PPP1R17: variants seen among roughly 807,000 people sequenced by gnomAD.
The protein encoded by PPP1R17 is protein phosphatase 1 regulatory subunit 17.
In PPP1R17, 12 loss-of-function variants were observed where a neutral mutation model predicts 15.9. That is an observed-to-expected ratio of 0.75 (90% CI 0.48 to 1.22). PPP1R17 has a LOEUF of 1.22. Ranked by LOEUF, PPP1R17 falls within the 50% of genes most tolerant of loss-of-function variation. The pLI, the probability that PPP1R17 is intolerant of heterozygous loss-of-function variation, is 0.00. For missense variants in PPP1R17, 211 were observed against 187.3 expected, an observed-to-expected ratio of 1.13 and a Z score of -0.74; for synonymous variants, 63 against 64.5, an observed-to-expected ratio of 0.98 and a Z score of 0.11.
At chr7:31,687,669 C>T (rs898683105) in intron 1 of PPP1R17, among the ~76,000 whole-genome samples, 1 of 152,214 alleles carries the variant, frequency 6.6e-6, no homozygotes, top group Non-Finnish European at 1.5e-5. Context: ...TCAGTCTCTC[C>T]TCCAGGAATA....
At chr7:31,697,623 A>G (rs1286038859) in intron 4 of PPP1R17, among the ~76,000 whole-genome samples, 7 of 151,916 alleles carry the variant, frequency 4.6e-5, no homozygotes, top group Admixed American at 6.5e-5. Context: ...CTGCTCTGTG[A>G]GATACAGTCC....
At position 31,697,076 on chromosome 7, in the gene PPP1R17, G is replaced by T. The variant is rs1296871588; in HGVS notation, c.347G>T (p.Arg116Ile). The change falls in exon 4 of 5, where the codon AGA becomes ATA. Residue 116 changes from arginine to isoleucine, a missense_variant. Arg to Ile is a moderately conservative substitution (Grantham distance 97, BLOSUM62 -3). Coordinates refer to ENST00000342032, the MANE Select transcript of PPP1R17 (RefSeq NM_006658.5). ...GACCTGGAACAGAAAAAGCCAAGGAGAAAAGACACACCTGCCCTGCACATG... is the reference window on the plus strand; with the variant it reads ...GACCTGGAACAGAAAAAGCCAAGGATAAAAGACACACCTGCCCTGCACATG... ...NTDLEQKKPRRKDTPALHMSP... is the reference protein window; with the variant it reads ...NTDLEQKKPRIKDTPALHMSP... The T allele has an allele frequency of 3.7e-6, 6 of 1,614,024 alleles. No homozygotes were observed. Among genetic ancestry groups the T allele is most frequent in the Non-Finnish European group, 4.2e-6 (5 of 1,180,004 alleles).
rs747684912 is a variant in PPP1R17, at chr7:31,697,126, G to T, written c.388+9G>T. On this transcript the variant is annotated intron_variant, in intron 4 of 4. Transcript: ENST00000342032. The stretch of plus-strand genomic sequence containing the variant: ...GTCCCCCTTTGCAGCAGGTAAAAAA[G>T]CTGGTGCAGGGCATTTGCAGGGGGT... The T allele has an allele frequency of 6.2e-6, 10 of 1,613,354 alleles. No homozygotes were observed. The highest frequency in any genetic ancestry group is 8.5e-6 in the Non-Finnish European group (10 of 1,179,742).
At chr7:31,705,536 T>C (rs559200885) in intron 4 of PPP1R17, among the ~76,000 whole-genome samples, 9 of 152,278 alleles carry the variant, frequency 5.9e-5, no homozygotes, top group African/African-American at 2.2e-4. Context: ...AAATTGTTTT[T>C]CTCCTCCAAT....
chr7:31,694,058 A>G (rs1792467613), intron 2 of PPP1R17, among the ~76,000 whole-genome samples: 2 of 152,228 alleles, frequency 1.3e-5, no homozygotes, highest in African/African-American at 4.8e-5. Context: ...CATTCAACAA[A>G]TATTTATTAA....
intron 4 of PPP1R17, among the ~76,000 whole-genome samples, chr7:31,697,389 G>A (rs1164508836): frequency 6.6e-6 from 1 of 152,224 alleles, no homozygotes; most frequent in Non-Finnish European, 1.5e-5. Context: ...GAATAGAAAT[G>A]TCAGTGGGTC....
chr7:31,692,181 A>C (rs960346514), intron 1 of PPP1R17, among the ~76,000 whole-genome samples: 2 of 152,166 alleles, frequency 1.3e-5, no homozygotes, highest in African/African-American at 4.8e-5. Flanking sequence ...ATACATGACA[A>C]TTATGAATAA....
chr7:31,695,736 C>T, intron 3 of PPP1R17, 115 bp downstream of exon 3: 2 of 1,021,250 alleles, frequency 2.0e-6, no homozygotes, highest in South Asian at 1.7e-5. Flanking sequence ...TTTGTGCACT[C>T]CCCACCTCTG....
chr7:31,702,213 T>TA lies in PPP1R17; in HGVS notation c.389-4991_389-4990insA, dbSNP rs1335423318. Among the ~76,000 whole-genome samples, 9 of 152,018 alleles carry TA rather than the reference T, an allele frequency of 5.9e-5. No homozygotes were observed. In the South Asian group the frequency reaches 6.2e-4, roughly 11 times the overall value. ...CAGCTTTTCACCCTTATTTATTTTT[T>TA]TTTTTGCCTCTACCAATAGATTGTT... is the stretch of plus-strand genomic sequence containing the variant. On this transcript the variant is annotated intron_variant, in intron 4 of 4. Coordinates refer to ENST00000342032, the MANE Select transcript of PPP1R17 (RefSeq NM_006658.5).
chr7:31,693,463 C>T (rs1253856500), intron 2 of PPP1R17, among the ~76,000 whole-genome samples: 1 of 152,156 alleles, frequency 6.6e-6, no homozygotes, highest in African/African-American at 2.4e-5. Flanking sequence ...TCCCAAGAGG[C>T]TGGGTTTAAT....
chr7:31,705,405 C>T (rs943586222), intron 4 of PPP1R17, among the ~76,000 whole-genome samples: 1 of 152,186 alleles, frequency 6.6e-6, no homozygotes, highest in South Asian at 2.1e-4. Flanking sequence ...TGTTCTCCTG[C>T]CATGCTAGCC....
At chr7:31,696,649 A>G (rs1468925321) in intron 3 of PPP1R17, among the ~76,000 whole-genome samples, 1 of 152,180 alleles carries the variant, frequency 6.6e-6, no homozygotes, top group Non-Finnish European at 1.5e-5. Flanking sequence ...TGTGACACCT[A>G]TGAGCTGTAA....
rs1234716149 is a variant in PPP1R17, at chr7:31,707,273, T to C, written c.458T>C (p.Ile153Thr). 1.2e-6 allele frequency: 2 copies of C among 1,613,562 alleles called. No homozygotes were observed. The highest frequency in any genetic ancestry group is 1.3e-5 in the African/African-American group (1 of 74,898). ...GATGACGAAAAGGATGGTGACAAGA[T>C]AGCTATTTAAAGATAGTTCCCCTGA... ...VEDDEKDGDK[I>T]AI The change falls in exon 5 of 5, where the codon ATA (isoleucine) becomes ACA (threonine). Residue 153 changes from isoleucine (I) to threonine (T), a missense_variant. Physicochemically the swap from Ile to Thr is moderately conservative, Grantham distance 89. Transcript: ENST00000342032.
At chr7:31,705,576 G>T (rs1326460164) in intron 4 of PPP1R17, among the ~76,000 whole-genome samples, 1 of 152,210 alleles carries the variant, frequency 6.6e-6, no homozygotes, top group Non-Finnish European at 1.5e-5. Flanking sequence ...AAGAACCCAT[G>T]TGAACAAACT....
intron 2 of PPP1R17, among the ~76,000 whole-genome samples, 192 bp from the exon 3 acceptor site, chr7:31,695,277 C>T (rs1218935237): frequency 1.3e-5 from 2 of 152,024 alleles, no homozygotes; most frequent in Non-Finnish European, 2.9e-5. Flanking sequence ...TTCTAGTTTT[C>T]GATTTTGTTA....
At chr7:31,704,480 G>A (rs1053436674) in intron 4 of PPP1R17, among the ~76,000 whole-genome samples, 6 of 152,214 alleles carry the variant, frequency 3.9e-5, no homozygotes, top group African/African-American at 7.2e-5. Flanking sequence ...GAGAGAGGAC[G>A]AAGGGAAGGA....
At position 31,707,221 on chromosome 7, in the gene PPP1R17, G is replaced by A. The variant is rs1356302730; in HGVS notation, c.406G>A (p.Asp136Asn). ...TTTTGCAGGTGTGACATTGCTCAGGGACGAGAGACCCAAAGCAATCGTGGA... is the reference window on the plus strand; with the variant it reads ...TTTTGCAGGTGTGACATTGCTCAGGAACGAGAGACCCAAAGCAATCGTGGA... ...PFAAGVTLLR[D>N]ERPKAIVEDD... is the part of the protein sequence containing the mutation. Residue 136 changes from aspartate (D) to asparagine (N), a missense_variant, in exon 5 of 5, where the codon GAC becomes AAC. Asp to Asn is a conservative substitution (Grantham distance 23, BLOSUM62 1). Transcript: ENST00000342032. 1.2e-6 allele frequency: 2 copies of A among 1,613,982 alleles called. No homozygotes were observed. The highest frequency in any genetic ancestry group is 1.7e-5 in the Admixed American group (1 of 59,990).
At chr7:31,692,692 G>A (rs1213442465) in intron 2 of PPP1R17, among the ~76,000 whole-genome samples, 169 bp downstream of exon 2, 1 of 152,192 alleles carries the variant, frequency 6.6e-6, no homozygotes, top group African/African-American at 2.4e-5. Flanking sequence ...ATGGGTCTGT[G>A]GGGTCTGCCA....
chr7:31,692,214 G>C (rs899481362), intron 1 of PPP1R17, among the ~76,000 whole-genome samples, 192 bp from the exon 2 acceptor site: 1 of 152,144 alleles, frequency 6.6e-6, no homozygotes, highest in African/African-American at 2.4e-5. Context: ...GAGGGTGGGA[G>C]GGTTCATTTT....
Sources: gnomAD v4.1 joint callset for allele counts (sites outside exome capture counted in the v4.1 genomes callset) on GRCh38, gnomAD v4.1.1 for gene constraint, MANE v1.5 for transcripts, NCBI Gene and HGNC (gene_info 2026-07-23, HGNC 2026-07-21) for gene names.